Variants in VWC2L observed in about 807,000 individuals in gnomAD.
The protein encoded by VWC2L is von Willebrand factor C domain-containing protein 2-like.
Under a neutral mutation model 21.6 loss-of-function variants are expected in VWC2L, and 10 were observed. The observed-to-expected ratio is 0.46, with a 90% CI of 0.29 to 0.78. VWC2L has a LOEUF of 0.78. Ranked by LOEUF, VWC2L falls within the 30% of genes least tolerant of loss-of-function variation. VWC2L has a pLI of 0.10. For synonymous variants in VWC2L, 96 were observed against 94.3 expected, an observed-to-expected ratio of 1.02 and a Z score of -0.10; for missense variants, 209 against 277.1, an observed-to-expected ratio of 0.75 and a Z score of 1.74.
chr2:214,546,628 G>A (rs1026601803), intron 3 of VWC2L, among the ~76,000 whole-genome samples: 2 of 152,080 alleles, frequency 1.3e-5, no homozygotes, highest in African/African-American at 2.4e-5. Flanking sequence ...GTATTGTTCA[G>A]GTACCGAGAA....
rs191806075 is a variant in VWC2L, at chr2:214,512,869, A to G, written c.521-62803A>G. Reference sequence around the variant, plus strand: ...TAGAAGTAAAATGATCACATAAACTACAGTATCTAAGTAAAATACGTGCTA... The same window carrying G: ...TAGAAGTAAAATGATCACATAAACTGCAGTATCTAAGTAAAATACGTGCTA... On this transcript the variant is annotated intron_variant, in intron 3 of 3. Transcript: ENST00000312504. Among the ~76,000 whole-genome samples the G allele has an allele frequency of 4.7e-3, 710 of 152,244 alleles. 6 individuals are homozygous for G. Among genetic ancestry groups the G allele is most frequent in the Non-Finnish European group, 7.4e-3 (503 of 68,032 alleles).
chr2:214,554,121 C>T (rs983611129), intron 3 of VWC2L, among the ~76,000 whole-genome samples: 1 of 150,648 alleles, frequency 6.6e-6, no homozygotes, highest in Non-Finnish European at 1.5e-5. Flanking sequence ...AGTTCCTTTT[C>T]ACCCCACAAG....
intron 3 of VWC2L, among the ~76,000 whole-genome samples, chr2:214,526,332 C>T (rs1689337249): frequency 6.6e-6 from 1 of 152,078 alleles, no homozygotes. Context: ...AGAGCTACAT[C>T]ACCATGTAGA....
intron 3 of VWC2L, among the ~76,000 whole-genome samples, chr2:214,552,021 G>A (rs1574632349): frequency 6.6e-6 from 1 of 152,252 alleles, no homozygotes; most frequent in East Asian, 1.9e-4. Flanking sequence ...TCTTCCTTTT[G>A]AAAAACATAT....
intron 3 of VWC2L, among the ~76,000 whole-genome samples, chr2:214,537,693 T>C (rs974181500): frequency 1.3e-5 from 2 of 152,102 alleles, no homozygotes; most frequent in Non-Finnish European, 2.9e-5. Context: ...ATCATAACAT[T>C]ATGCGTACCA....
intron 3 of VWC2L, among the ~76,000 whole-genome samples, chr2:214,571,020 A>G (rs1436039733): frequency 6.6e-6 from 1 of 152,218 alleles, no homozygotes; most frequent in Non-Finnish European, 1.5e-5. Context: ...TAGTTTTAAA[A>G]TAAATTATGT....
chr2:214,428,490 A>G (rs1280114264), intron 2 of VWC2L, among the ~76,000 whole-genome samples: 2 of 152,196 alleles, frequency 1.3e-5, no homozygotes, highest in African/African-American at 4.8e-5. Flanking sequence ...TATACACTAA[A>G]GTAGAGAGGT....
intron 3 of VWC2L, among the ~76,000 whole-genome samples, chr2:214,479,438 A>C (rs1307380017): frequency 6.6e-6 from 1 of 152,142 alleles, no homozygotes; most frequent in Non-Finnish European, 1.5e-5. Context: ...GTACCCATCA[A>C]AAAGAAGCAA....
intron 3 of VWC2L, among the ~76,000 whole-genome samples, chr2:214,527,787 C>G (rs1053177274): frequency 6.6e-6 from 1 of 152,140 alleles, no homozygotes; most frequent in Admixed American, 6.6e-5. Flanking sequence ...ATATACTTGA[C>G]ATTAAGTAAT....
chr2:214,578,893 G>A lies in VWC2L; in HGVS notation c.*3073G>A, dbSNP rs1465204397. 1.3e-5 allele frequency: 2 copies of A among 151,578 alleles called. No homozygotes were observed. The highest frequency in any genetic ancestry group is 2.9e-5 in the Non-Finnish European group (2 of 67,944). The allele number at this position is 151,578 out of a possible 1,614,324, so 9.4% of individuals were successfully genotyped here. Reference sequence around the variant, plus strand: ...CCTAAACACTAAACTGTAAAAAGGGGATTCTAGCAACAATATTTGATGTGT... The same window carrying A: ...CCTAAACACTAAACTGTAAAAAGGGAATTCTAGCAACAATATTTGATGTGT... On this transcript the variant is annotated 3_prime_UTR_variant, in exon 4 of 4. Transcript: ENST00000312504.
chr2:214,426,635 T>TGG (rs1332378262), intron 2 of VWC2L, among the ~76,000 whole-genome samples: 1 of 152,234 alleles, frequency 6.6e-6, no homozygotes, highest in Non-Finnish European at 1.5e-5. Context: ...ATTTGTGCCT[T>TGG]TGTCCTTGTC....
chr2:214,558,366 A>G (rs907929390), intron 3 of VWC2L, among the ~76,000 whole-genome samples: 1 of 152,134 alleles, frequency 6.6e-6, no homozygotes, highest in African/African-American at 2.4e-5. Context: ...CAACTCAGTC[A>G]ATTCTATTCC....
rs909848228 is a variant in VWC2L at position 214,411,222 on chromosome 2, T to C, written c.-645T>C. 3.3e-5 allele frequency: 5 copies of C among 152,224 alleles called. No individual in the cohort carries two copies. The highest frequency in any genetic ancestry group is 6.5e-5 in the Admixed American group (1 of 15,280). The allele number at this position is 152,224 out of a possible 1,614,324, so 9.4% of individuals were successfully genotyped here. On this transcript the variant is annotated 5_prime_UTR_variant, in exon 1 of 4. Transcript: ENST00000312504. ...AGAAACCCAGCTAAAGTTGCTCCTT[T>C]CCTTCACATCCACAGTTAGTATTTT...
In VWC2L at chr2:214,520,280, A is replaced by G. The variant is rs1275445321; in HGVS notation, c.521-55392A>G. On this transcript the variant is annotated intron_variant, in intron 3 of 3. Coordinates refer to ENST00000312504, the MANE Select transcript of VWC2L (RefSeq NM_001080500.4). ...ATCCTGGGGGTTTGCATCATACATG[A>G]TGCTCATCCTATGTAACATCATGTC... 2.0e-5 allele frequency among the ~76,000 whole-genome samples: 3 copies of G among 152,198 alleles called. No homozygotes were observed. The East Asian group carries it at 5.8e-4, about 29-fold the overall frequency.
At chr2:214,510,211 C>T (rs554474470) in intron 3 of VWC2L, 2 of 152,100 alleles carry the variant, frequency 1.3e-5, no homozygotes, top group Non-Finnish European at 2.9e-5. Context: ...TCATGGGATC[C>T]AGATGTAAGC....
intron 3 of VWC2L, among the ~76,000 whole-genome samples, chr2:214,456,577 A>G (rs1425727828): frequency 6.6e-6 from 1 of 152,064 alleles, no homozygotes. Flanking sequence ...AGTTTAATAT[A>G]GTAATATAGT....
chr2:214,464,368 C>A (rs1434617196), intron 3 of VWC2L, among the ~76,000 whole-genome samples: 4 of 152,126 alleles, frequency 2.6e-5, no homozygotes, highest in African/African-American at 9.7e-5. Flanking sequence ...TACCCCAAGA[C>A]CAGTAACACC....
intron 3 of VWC2L, among the ~76,000 whole-genome samples, chr2:214,478,482 C>A (rs1232214010): frequency 4.0e-5 from 6 of 149,314 alleles, no homozygotes; most frequent in Admixed American, 1.3e-4. Context: ...AAAAAAAAAA[C>A]AACAAAAAAC....
At chr2:214,442,239 GTTT>G (rs1480914752) in intron 3 of VWC2L, among the ~76,000 whole-genome samples, 2 of 152,098 alleles carry the variant, frequency 1.3e-5, no homozygotes, top group Admixed American at 1.3e-4. Context: ...TAGATATTGA[GTTT>G]GTATGTGTAT....
Sources: gnomAD v4.1 joint callset for allele counts (sites outside exome capture counted in the v4.1 genomes callset) on GRCh38, gnomAD v4.1.1 for gene constraint, MANE v1.5 for transcripts, NCBI Gene and HGNC (gene_info 2026-07-23, HGNC 2026-07-21) for gene names.